The following DDHD1 variants were observed in gnomAD, a reference collection of about 807,000 sequenced individuals.
DDHD1 encodes the protein phospholipase DDHD1.
Under a neutral mutation model 96.4 loss-of-function variants are expected in DDHD1, and 49 were observed. That is an observed-to-expected ratio of 0.51 (90% confidence interval 0.40 to 0.64). The LOEUF is 0.64. Among genes scored for constraint, DDHD1 ranks in the 30% least tolerant of loss-of-function variants. The pLI is 0.00. For synonymous variants in DDHD1, 442 were observed against 446.5 expected (o/e 0.99, Z 0.13); for missense variants, 1,106 against 1,161.2 (o/e 0.95, Z 0.69).
intron 6 of DDHD1, among the ~76,000 whole-genome samples, chr14:53,068,243 C>CTTTT (rs55662153): frequency 0.086 from 8,925 of 104,374 alleles, 1,502 homozygotes; most frequent in African/African-American, 0.27. Context: ...CTTTATGATA[C>CTTTT]TTTTTTTTTT....
At chr14:53,091,539 T>TA (rs1886428189) in intron 4 of DDHD1, among the ~76,000 whole-genome samples, 1 of 152,180 alleles carries the variant, frequency 6.6e-6, no homozygotes, top group African/African-American at 2.4e-5. Flanking sequence ...TGTATTAGAT[T>TA]AAAAAAGGCT....
chr14:53,147,963 T>C (rs947087153), intron 1 of DDHD1, among the ~76,000 whole-genome samples: 2 of 152,190 alleles, frequency 1.3e-5, no homozygotes, highest in Non-Finnish European at 2.9e-5. Context: ...TACACCAAGT[T>C]TGTAAACATT....
chr14:53,105,872 TCTG>T (rs1241246623), intron 1 of DDHD1, among the ~76,000 whole-genome samples: 2 of 152,150 alleles, frequency 1.3e-5, no homozygotes, highest in African/African-American at 2.4e-5. Context: ...ATGTGGTATT[TCTG>T]CTATTTTTTT....
intron 4 of DDHD1, among the ~76,000 whole-genome samples, chr14:53,076,177 A>G (rs1192134015): frequency 1.4e-5 from 2 of 143,202 alleles, no homozygotes; most frequent in Non-Finnish European, 2.9e-5. Flanking sequence ...AAGTAAACTG[A>G]AAGTATTCCG....
Position 53,153,019 on chromosome 14 carries a change from C to A in DDHD1, c.80G>T (p.Gly27Val). The part of the protein sequence containing the change: ...RGGGGGAWEL[G>V]SDARPAFGGG... The stretch of plus-strand genomic sequence containing the variant: ...GCCGAACGCTGGCCTCGCGTCTGAG[C>A]CCAGCTCCCAGGCGCCGCCGCCGCC... The change falls in exon 1 of 13, where the codon GGC (glycine) becomes GTC (valine). Residue 27 changes from glycine to valine, a missense_variant. Around this residue, in one of 2 missense-constraint regions of DDHD1, gnomAD observed 456 missense variants for 402.4 expected, o/e 1.13. Transcript: ENST00000673822. 6.6e-7 allele frequency: 1 copy of A among 1,513,178 alleles called. No homozygotes were observed. Among genetic ancestry groups the A allele is most frequent in the South Asian group, 1.2e-5 (1 of 80,204 alleles). The allele number at this position is 1,513,178 out of a possible 1,614,324, so 93.7% of individuals were successfully genotyped here. A position where few individuals can be genotyped will look rare whatever the true frequency, so the allele number is the denominator to read the frequency against.
intron 1 of DDHD1, among the ~76,000 whole-genome samples, chr14:53,123,227 A>C (rs1386057934): frequency 6.6e-6 from 1 of 150,500 alleles, no homozygotes; most frequent in East Asian, 2.0e-4. Context: ...GCTCATTGCA[A>C]CCTCCGCCTC....
At chr14:53,146,197 A>G (rs1890967484) in intron 1 of DDHD1, among the ~76,000 whole-genome samples, 1 of 147,006 alleles carries the variant, frequency 6.8e-6, no homozygotes, top group South Asian at 2.2e-4. Flanking sequence ...ATAAGAGTGA[A>G]ACTCCATCTC....
At chr14:53,056,611 G>C (rs1883078754) in intron 9 of DDHD1, among the ~76,000 whole-genome samples, 1 of 152,082 alleles carries the variant, frequency 6.6e-6, no homozygotes, top group African/African-American at 2.4e-5. Context: ...CTTATTAATT[G>C]CATGATGCTT....
In DDHD1 at chr14:53,152,891, C is replaced by G; in HGVS notation, c.208G>C (p.Gly70Arg). The G allele has an allele frequency of 6.2e-7, 1 of 1,609,320 alleles. No individual in the cohort carries two copies. Among genetic ancestry groups the G allele is most frequent in the Non-Finnish European group, 8.5e-7 (1 of 1,178,114 alleles). The change falls in exon 1 of 13, where the codon GGC becomes CGC. Residue 70 changes from glycine (G) to arginine (R), a missense_variant. By Grantham distance (125) the Gly-to-Arg change is moderately radical. Around this residue, in one of 2 missense-constraint regions of DDHD1, gnomAD observed 456 missense variants for 402.4 expected, o/e 1.13. Transcript: ENST00000673822. ...RGEPGLHLAP[G>R]TDDHNHHLAL... The stretch of plus-strand genomic sequence containing the variant: ...AGGTGGTGGTTGTGGTCGTCGGTGC[C>G]CGGCGCCAAATGCAGCCCGGGTTCC...
chr14:53,145,946 C>A (rs1263605450), intron 1 of DDHD1, among the ~76,000 whole-genome samples: 1 of 152,192 alleles, frequency 6.6e-6, no homozygotes, highest in Non-Finnish European at 1.5e-5. Flanking sequence ...GTGGCTCATG[C>A]CTGTAATCCC....
At chr14:53,115,446 C>G (rs901409236) in intron 1 of DDHD1, among the ~76,000 whole-genome samples, 1 of 151,816 alleles carries the variant, frequency 6.6e-6, no homozygotes, top group African/African-American at 2.4e-5. Context: ...AAGGCTGAAA[C>G]AAAGGAAAAA....
At chr14:53,134,626 T>C (rs866755889) in intron 1 of DDHD1, among the ~76,000 whole-genome samples, 2 of 150,290 alleles carry the variant, frequency 1.3e-5, no homozygotes, top group African/African-American at 4.9e-5. Context: ...GCAGACTCTA[T>C]ATTTTTAAAT....
At chr14:53,131,987 T>C (rs920231177) in intron 1 of DDHD1, among the ~76,000 whole-genome samples, 1 of 152,180 alleles carries the variant, frequency 6.6e-6, no homozygotes, top group South Asian at 2.1e-4. Flanking sequence ...ACTCCTTTCC[T>C]TCCTAGGCAT....
At chr14:53,099,848 A>C (rs1595173839) in intron 2 of DDHD1, among the ~76,000 whole-genome samples, 5 of 152,312 alleles carry the variant, frequency 3.3e-5, no homozygotes, top group Admixed American at 3.3e-4. Context: ...ATTTAGATTA[A>C]AGTATCTAAA....
intron 4 of DDHD1, among the ~76,000 whole-genome samples, chr14:53,086,106 G>A (rs570810793): frequency 1.3e-5 from 2 of 152,252 alleles, no homozygotes; most frequent in African/African-American, 4.8e-5. Flanking sequence ...AGAGAAAAAA[G>A]AGTAAAAAGA....
chr14:53,071,498 G>C (rs1884506840), intron 6 of DDHD1, among the ~76,000 whole-genome samples: 1 of 151,976 alleles, frequency 6.6e-6, no homozygotes, highest in Non-Finnish European at 1.5e-5. Flanking sequence ...TCCTTGTACA[G>C]TATCTTATAC....
At position 53,118,299 on chromosome 14, in the gene DDHD1, G is replaced by A. The variant is rs1044886573; in HGVS notation, c.839-14443C>T. ...TCCTCACCAGCAAGGGAACAAAACT[G>A]GATGGAGAACGAGTTTGATGAGTTG... On this transcript the variant is annotated intron_variant, in intron 1 of 12. Transcript: ENST00000673822. Among the ~76,000 whole-genome samples, 3 of 152,306 alleles carry A rather than the reference G, an allele frequency of 2.0e-5. No homozygotes were observed. The East Asian group carries it at 5.8e-4, about 29-fold the overall frequency.
At chr14:53,076,960 T>G (rs1175761752) in intron 4 of DDHD1, among the ~76,000 whole-genome samples, 1 of 152,228 alleles carries the variant, frequency 6.6e-6, no homozygotes, top group Non-Finnish European at 1.5e-5. Context: ...GAAGCCAATT[T>G]GTGCAACTTG....
rs1345883861 is a variant in DDHD1, at chr14:53,040,832, G to T, written c.*5936C>A. 6.6e-6 allele frequency: 1 copy of T among 152,122 alleles called. No homozygotes were observed. The highest frequency in any genetic ancestry group is 1.5e-5 in the Non-Finnish European group (1 of 68,028). The allele number at this position is 152,122 out of a possible 1,614,324, so 9.4% of individuals were successfully genotyped here. On this transcript the variant is annotated 3_prime_UTR_variant, in exon 13 of 13. Transcript: ENST00000673822. ...ACAACATTTAGTAGTGTTAGAGAGA[G>T]TGAACATAAGAAGTCATAGGAGCTG...
Sources: gnomAD v4.1 joint callset for allele counts (sites outside exome capture counted in the v4.1 genomes callset) on GRCh38, gnomAD v4.1.1 for gene constraint, gnomAD v4.1.1 regional missense constraint, MANE v1.5 for transcripts, NCBI Gene and HGNC (gene_info 2026-07-23, HGNC 2026-07-21) for gene names.